The following NDUFA8 variants were observed in gnomAD, a reference collection of about 807,000 sequenced individuals.
The protein encoded by NDUFA8 is NADH dehydrogenase [ubiquinone] 1 alpha subcomplex subunit 8.
NDUFA8 carries 16 observed loss-of-function variants against 20.9 expected under a neutral mutation model. The ratio of observed to expected loss-of-function variants is 0.77; its 90% CI spans 0.52 to 1.16. The LOEUF is 1.16. Among genes scored for constraint, NDUFA8 ranks in the 50% most tolerant of loss-of-function variants. The pLI is 0.00. For missense variants in NDUFA8, 202 were observed against 216.4 expected (o/e 0.93, Z 0.42); for synonymous variants, 70 against 76.1 (o/e 0.92, Z 0.41).
At chr9:122,150,971 CAAAAA>C (rs71508152) in intron 2 of NDUFA8, among the ~76,000 whole-genome samples, 3 of 50,416 alleles carry the variant, frequency 6.0e-5, no homozygotes, top group African/African-American at 9.5e-5. Context: ...GACTCCGTCT[CAAAAA>C]AAAAAAAAAA....
intron 2 of NDUFA8, among the ~76,000 whole-genome samples, chr9:122,149,785 C>T (rs1229306364): frequency 6.6e-6 from 1 of 151,914 alleles, no homozygotes; most frequent in Non-Finnish European, 1.5e-5. Context: ...TGGCGAAACC[C>T]CATCTCTACT....
Position 122,144,220 on chromosome 9 carries a change from G to A in NDUFA8, c.*21C>T. On this transcript the variant is annotated 3_prime_UTR_variant, in exon 4 of 4. Transcript: ENST00000373768. ...AGTCGTTGTCTGAGCACATGACCGA[G>A]TGTGGGCCACGGACCCATCTTTACT... 6.2e-7 allele frequency: 1 copy of A among 1,613,254 alleles called. No individual in the cohort carries two copies. Among genetic ancestry groups the A allele is most frequent in the South Asian group, 1.1e-5 (1 of 91,034 alleles).
Position 122,152,299 on chromosome 9 carries a change from C to A in NDUFA8, c.161G>T (p.Arg54Met). The A allele has an allele frequency of 6.2e-7, 1 of 1,614,216 alleles. No individual in the cohort carries two copies. Among genetic ancestry groups the A allele is most frequent in the Non-Finnish European group, 8.5e-7 (1 of 1,180,048 alleles). The stretch of plus-strand genomic sequence containing the variant: ...CAGTTTGCCTTCCTCTAAACACCGC[C>A]TCGGATCTTTCTCTTCCCAGCGGCA... ...MLCRWEEKDP[R>M]RCLEEGKLVN... The change falls in exon 2 of 4, where the codon AGG becomes ATG. Residue 54 changes from arginine (R) to methionine (M), a missense_variant. Coordinates refer to ENST00000373768, the MANE Select transcript of NDUFA8 (RefSeq NM_014222.3).
intron 1 of NDUFA8, among the ~76,000 whole-genome samples, chr9:122,156,506 G>C (rs1564411092): frequency 6.6e-6 from 1 of 152,150 alleles, no homozygotes; most frequent in Non-Finnish European, 1.5e-5. Context: ...TAAGAACAGT[G>C]CCTATCACAT....
At chr9:122,146,187 A>T (rs1828902434) in intron 3 of NDUFA8, among the ~76,000 whole-genome samples, 1 of 151,898 alleles carries the variant, frequency 6.6e-6, no homozygotes, top group South Asian at 2.1e-4. Context: ...CTAGTCCTGA[A>T]CTCGTGAGCT....
rs1035340675 is a variant in NDUFA8 at position 122,144,170 on chromosome 9, T to G, written c.*71A>C. 2 of 1,611,552 alleles carry G rather than the reference T, an allele frequency of 1.2e-6. No homozygotes were observed. The highest frequency in any genetic ancestry group is 8.5e-7 in the Non-Finnish European group (1 of 1,179,736). On this transcript the variant is annotated 3_prime_UTR_variant, in exon 4 of 4. Transcript: ENST00000373768. ...CCGGAAAGAACACACTATCAGTCGATGCAAACCGCATGGGCGTTTTCATCA... is the reference window on the plus strand; with the variant it reads ...CCGGAAAGAACACACTATCAGTCGAGGCAAACCGCATGGGCGTTTTCATCA...
At chr9:122,146,892 G>A (rs950302723) in intron 3 of NDUFA8, among the ~76,000 whole-genome samples, 11 of 152,278 alleles carry the variant, frequency 7.2e-5, no homozygotes, top group African/African-American at 2.6e-4. Flanking sequence ...TAAGACCTGA[G>A]TTTTTTCCTC....
the NDUFA8 span, among the ~76,000 whole-genome samples, chr9:122,138,874 G>T: frequency 7.2e-6 from 1 of 138,742 alleles, no homozygotes; most frequent in Admixed American, 7.2e-5. Context: ...GTGGGGGGGG[G>T]GCCATCTGAG....
chr9:122,139,504 C>T (rs1828790454), downstream of NDUFA8, among the ~76,000 whole-genome samples: 1 of 152,176 alleles, frequency 6.6e-6, no homozygotes, highest in Non-Finnish European at 1.5e-5. Flanking sequence ...TTGTTCACTA[C>T]CCATGTCTAG....
chr9:122,151,286 C>G (rs533212798), intron 2 of NDUFA8, among the ~76,000 whole-genome samples: 4 of 152,306 alleles, frequency 2.6e-5, no homozygotes, highest in African/African-American at 9.6e-5. Context: ...CCCTCCCTGT[C>G]TCTCAGCAAT....
intron 1 of NDUFA8, 29 bp from the exon 2 acceptor site, chr9:122,152,437 ACAGACT>A: frequency 6.2e-7 from 1 of 1,611,636 alleles, no homozygotes; most frequent in Non-Finnish European, 8.5e-7. Context: ...GACAAAGGCC[ACAGACT>A]GTGAACCAGA....
At chr9:122,155,409 C>A (rs1378429499) in intron 1 of NDUFA8, among the ~76,000 whole-genome samples, 1 of 152,134 alleles carries the variant, frequency 6.6e-6, no homozygotes, top group Non-Finnish European at 1.5e-5. Flanking sequence ...CTTTATGCAG[C>A]TAGGTTATTA....
downstream of NDUFA8, among the ~76,000 whole-genome samples, chr9:122,139,495 T>G (rs1289812974): frequency 6.6e-6 from 1 of 152,206 alleles, no homozygotes; most frequent in African/African-American, 2.4e-5. Context: ...GCCCTTGTCT[T>G]GTTCACTACC....
At chr9:122,141,249 G>A (rs1432703748), downstream of NDUFA8, among the ~76,000 whole-genome samples, 1 of 152,204 alleles carries the variant, frequency 6.6e-6, no homozygotes, top group Non-Finnish European at 1.5e-5. Flanking sequence ...AAGGATTTGG[G>A]CTTTAGTTAG....
chr9:122,135,624 G>C, the NDUFA8 span, among the ~76,000 whole-genome samples: 177 of 152,336 alleles, frequency 1.2e-3, 1 homozygote, highest in Middle Eastern at 6.8e-3. Flanking sequence ...GGATCTCGCT[G>C]TGCTGCCCAG....
intron 1 of NDUFA8, among the ~76,000 whole-genome samples, chr9:122,158,009 C>T (rs1238783776): frequency 2.0e-5 from 3 of 150,854 alleles, no homozygotes; most frequent in East Asian, 2.0e-4. Flanking sequence ...CAATATTAGC[C>T]GGGTGTGGTG....
At chr9:122,133,031 T>A in the NDUFA8 span, 4 of 455,976 alleles carry the variant, frequency 8.8e-6, no homozygotes, top group East Asian at 2.8e-4. Flanking sequence ...TTCATGCCCA[T>A]GGTTCCATCT....
intron 1 of NDUFA8, 86 bp from the exon 2 acceptor site, chr9:122,152,494 A>G: frequency 1.6e-6 from 2 of 1,232,470 alleles, no homozygotes; most frequent in Non-Finnish European, 2.4e-6. Context: ...GTCAGAATAG[A>G]GAACACAAAA....
At chr9:122,149,299 C>T (rs750820339) in intron 2 of NDUFA8, among the ~76,000 whole-genome samples, 3 of 152,232 alleles carry the variant, frequency 2.0e-5, no homozygotes, top group Non-Finnish European at 4.4e-5. Context: ...AGAGGTCCAC[C>T]AATGTCACCA....
Sources: gnomAD v4.1 joint callset for allele counts (sites outside exome capture counted in the v4.1 genomes callset) on GRCh38, gnomAD v4.1.1 for gene constraint, MANE v1.5 for transcripts, NCBI Gene and HGNC (gene_info 2026-07-23, HGNC 2026-07-21) for gene names.